Variants in STX12 observed in about 807,000 individuals in gnomAD.
STX12 encodes syntaxin 12, also known as syntaxin-12.
STX12 carries 17 observed loss-of-function variants against 42.2 expected under a neutral mutation model. That is an observed-to-expected ratio of 0.40 (90% confidence interval 0.28 to 0.60). The LOEUF (loss-of-function observed/expected upper bound fraction) is 0.60, where lower values mean the gene tolerates loss of function less well. Among genes scored for constraint, STX12 ranks in the 20% least tolerant of loss-of-function variants. The pLI, the probability that STX12 is intolerant of heterozygous loss-of-function variation, is 0.39. For synonymous variants in STX12, 108 were observed against 116.7 expected, an observed-to-expected ratio of 0.93 and a Z score of 0.48; for missense variants, 297 against 330.9, an observed-to-expected ratio of 0.90 and a Z score of 0.79.
chr1:27,794,614 A>G (rs1013257316), intron 3 of STX12, among the ~76,000 whole-genome samples: 4 of 152,108 alleles, frequency 2.6e-5, no homozygotes, highest in African/African-American at 7.2e-5. Context: ...TTCATGATCT[A>G]CCTCAGGTCT....
chr1:27,774,701 A>G (rs1404340254), intron 1 of STX12, among the ~76,000 whole-genome samples: 2 of 151,866 alleles, frequency 1.3e-5, no homozygotes, highest in African/African-American at 4.8e-5. Context: ...TTTTTTCGAG[A>G]CAGAGTCTAC....
chr1:27,812,669 G>GACC (rs138297499), intron 6 of STX12, among the ~76,000 whole-genome samples: 3,417 of 152,172 alleles, frequency 0.022, 109 homozygotes, highest in African/African-American at 0.076. Flanking sequence ...TTGAACTCAC[G>GACC]ACCTCAGGTG....
At chr1:27,792,952 T>G (rs2148600683) in intron 2 of STX12, among the ~76,000 whole-genome samples, 1 of 152,330 alleles carries the variant, frequency 6.6e-6, no homozygotes, top group East Asian at 1.9e-4. Flanking sequence ...TAAGGCTTCT[T>G]TGTTTTGGAG....
chr1:27,820,852 C>T (rs1379908918), intron 8 of STX12, among the ~76,000 whole-genome samples: 5 of 152,176 alleles, frequency 3.3e-5, no homozygotes, highest in Admixed American at 3.3e-4. Context: ...CCATAAAAAA[C>T]GATGAGTTCG....
At chr1:27,822,202 G>A in intron 8 of STX12, 29 bp from the exon 9 acceptor site, 2 of 1,363,518 alleles carry the variant, frequency 1.5e-6, no homozygotes, top group South Asian at 1.2e-5. Context: ...TGTTTCATGA[G>A]TATCTTGTTT....
At chr1:27,784,307 A>G (rs2088686819) in intron 1 of STX12, among the ~76,000 whole-genome samples, 1 of 152,146 alleles carries the variant, frequency 6.6e-6, no homozygotes, top group Non-Finnish European at 1.5e-5. Context: ...TGCAGCCTCA[A>G]ACTTCTGGGC....
At chr1:27,791,815 A>G (rs992324111) in intron 2 of STX12, among the ~76,000 whole-genome samples, 1 of 151,588 alleles carries the variant, frequency 6.6e-6, no homozygotes, top group African/African-American at 2.4e-5. Context: ...ACTCTGTCTC[A>G]AAAAAATAAA....
chr1:27,819,608 C>A, intron 7 of STX12, 42 bp from the exon 8 acceptor site: 12 of 1,562,066 alleles, frequency 7.7e-6, no homozygotes, highest in Non-Finnish European at 1.1e-5. Flanking sequence ...AGTCTTAAAA[C>A]ATCTGAGTGT....
chr1:27,781,105 G>A lies in STX12; in HGVS notation c.118+7680G>A, dbSNP rs137985557. ...GTCACTCAGGCTGGAGTACAGTGGC[G>A]CAATCTCAGCTCACTGCAACCTCTG... On this transcript the variant is annotated intron_variant, in intron 1 of 8. Transcript: ENST00000373943. 5.5e-3 allele frequency among the ~76,000 whole-genome samples: 832 copies of A among 152,162 alleles called. 7 individuals are homozygous for A. Among genetic ancestry groups the A allele is most frequent in the Non-Finnish European group, 8.7e-3 (591 of 68,020 alleles).
chr1:27,794,008 T>A (rs572683025), intron 3 of STX12, among the ~76,000 whole-genome samples: 27 of 150,610 alleles, frequency 1.8e-4, no homozygotes, highest in South Asian at 4.2e-4. Flanking sequence ...TTTTTTTTTT[T>A]AATTATTATT....
intron 1 of STX12, chr1:27,774,004 G>A (rs144625788): frequency 9.7e-4 from 147 of 152,314 alleles, no homozygotes; most frequent in African/African-American, 3.4e-3. Flanking sequence ...TGAAAGGTGG[G>A]ATGACTTCAT....
intron 1 of STX12, among the ~76,000 whole-genome samples, chr1:27,787,370 G>T (rs2088706442): frequency 6.6e-6 from 1 of 152,080 alleles, no homozygotes; most frequent in African/African-American, 2.4e-5. Context: ...CAGATTTAGG[G>T]ACTACTGGCC....
chr1:27,782,229 A>G (rs1021627264), intron 1 of STX12, among the ~76,000 whole-genome samples: 2 of 152,278 alleles, frequency 1.3e-5, no homozygotes, highest in Admixed American at 6.5e-5. Flanking sequence ...CCTTCCGAGT[A>G]GCTAGGACTA....
chr1:27,801,635 C>G, intron 3 of STX12, 43 bp from the exon 4 acceptor site: 1 of 1,459,764 alleles, frequency 6.9e-7, no homozygotes. Flanking sequence ...CCAAATGATT[C>G]TGGGTTAATA....
At chr1:27,814,910 G>C (rs1376653159) in intron 6 of STX12, among the ~76,000 whole-genome samples, 1 of 150,906 alleles carries the variant, frequency 6.6e-6, no homozygotes, top group Non-Finnish European at 1.5e-5. Context: ...AGCAACCGTG[G>C]AGTGAAAATA....
intron 3 of STX12, among the ~76,000 whole-genome samples, chr1:27,794,826 A>T (rs1226160286): frequency 2.0e-5 from 3 of 151,984 alleles, no homozygotes; most frequent in Non-Finnish European, 4.4e-5. Flanking sequence ...GGCTCAAGGG[A>T]TCCTCCCAAC....
chr1:27,813,389 T>A (rs1359741271), intron 6 of STX12, among the ~76,000 whole-genome samples: 1 of 152,174 alleles, frequency 6.6e-6, no homozygotes, highest in Admixed American at 6.6e-5. Flanking sequence ...TTGGCCAGGC[T>A]GGTCTTGAAC....
intron 7 of STX12, 123 bp downstream of exon 7, chr1:27,818,046 C>T (rs766046791): frequency 1.7e-5 from 12 of 707,362 alleles, no homozygotes; most frequent in Non-Finnish European, 2.9e-5. Context: ...CCAACCTGGG[C>T]AACATAATGA....
rs1246689813 is a variant in STX12 at position 27,793,629 on chromosome 1, A to G, written c.285A>G (p.Glu95=). ...GSLPLPLSTS[E]QRQQRLQKER... ...TGCCCCTTCCCTTATCTACTTCAGA[A>G]CAGGTTGGTATTTTCTGTTTTGTTT... The change falls in exon 3 of 9, where the codon GAA becomes GAG. Residue 95 remains glutamate (E), a synonymous_variant. Coordinates refer to ENST00000373943, the MANE Select transcript of STX12 (RefSeq NM_177424.3). 1.2e-6 allele frequency: 2 copies of G among 1,612,860 alleles called. No homozygotes were observed. The highest frequency in any genetic ancestry group is 1.7e-5 in the Admixed American group (1 of 59,986).
Sources: gnomAD v4.1 joint callset for allele counts (sites outside exome capture counted in the v4.1 genomes callset) on GRCh38, gnomAD v4.1.1 for gene constraint, MANE v1.5 for transcripts, NCBI Gene and HGNC (gene_info 2026-07-23, HGNC 2026-07-21) for gene names.